The following NDUFB2 variants were observed in gnomAD, a reference collection of about 807,000 sequenced individuals.
NDUFB2 encodes NADH dehydrogenase [ubiquinone] 1 beta subcomplex subunit 2, mitochondrial.
NDUFB2 carries 13 observed loss-of-function variants against 13.4 expected under a neutral mutation model. The ratio of observed to expected loss-of-function variants is 0.97; its 90% CI spans 0.63 to 1.54. NDUFB2 has a LOEUF of 1.54. Among genes scored for constraint, NDUFB2 ranks in the 40% most tolerant of loss-of-function variants. The pLI is 0.00. For synonymous variants in NDUFB2, 47 were observed against 50.6 expected (o/e 0.93, Z 0.30); for missense variants, 150 against 139.7 (o/e 1.07, Z -0.37).
chr7:140,702,480 C>A, intron 1 of NDUFB2: 1 of 231,322 alleles, frequency 4.3e-6, no homozygotes, highest in Non-Finnish European at 8.4e-6. Context: ...ACATAATTTG[C>A]CTCAAATAGA....
At chr7:140,698,236 TGAG>T in intron 1 of NDUFB2, 1 of 1,351,854 alleles carries the variant, frequency 7.4e-7, no homozygotes, top group Non-Finnish European at 9.8e-7. Context: ...TGGTCCTGCA[TGAG>T]GAGATGGGGG....
intron 1 of NDUFB2, chr7:140,697,933 C>T (rs1236393611): frequency 1.7e-6 from 2 of 1,204,642 alleles, no homozygotes; most frequent in Non-Finnish European, 1.1e-6. Flanking sequence ...CTCCTGGGCT[C>T]AAGTGATTCT....
In NDUFB2 at chr7:140,696,744, T is replaced by C. The variant is rs1412368891; in HGVS notation, c.-1T>C. 1 of 1,587,818 alleles carries C rather than the reference T, an allele frequency of 6.3e-7. No homozygotes were observed. The highest frequency in any genetic ancestry group is 1.8e-5 in the Admixed American group (1 of 56,314). On this transcript the variant is annotated 5_prime_UTR_variant, in exon 1 of 4. Transcript: ENST00000247866. ...GGACCGCGGGGCGGACGGGAGCGAG[T>C]ATGTCCGCTCTGACTCGGCTGGCGT...
intron 3 of NDUFB2, chr7:140,705,168 G>C (rs1359506180): frequency 1.3e-5 from 4 of 319,622 alleles, no homozygotes; most frequent in Admixed American, 1.0e-4. Context: ...GGCGTGATCT[G>C]GGCTCACTGC....
rs762410392 is a variant in NDUFB2 at position 140,696,836 on chromosome 7, T to G, written c.92T>G (p.Val31Gly). The change falls in exon 1 of 4, where the codon GTC (valine) becomes GGC (glycine). Residue 31 changes from valine to glycine, a missense_variant. Coordinates refer to ENST00000247866, the MANE Select transcript of NDUFB2 (RefSeq NM_004546.3). ...GCACGGACTGCTGGAGATGGTGGAG[T>G]CCGTCAGTGAGTGTGGGGCTGGGGA... ...GCARTAGDGGVRHAGGGVHIE... is the reference protein window; with the variant it reads ...GCARTAGDGGGRHAGGGVHIE... 1 of 1,605,192 alleles carries G rather than the reference T, an allele frequency of 6.2e-7. No individual in the cohort carries two copies. The highest frequency in any genetic ancestry group is 1.7e-4 in the Middle Eastern group (1 of 5,950).
At chr7:140,697,157 A>G in intron 1 of NDUFB2, 1 of 595,046 alleles carries the variant, frequency 1.7e-6, no homozygotes, top group Non-Finnish European at 3.0e-6. Context: ...CGGGCGGTCC[A>G]GGCGGAGGAA....
chr7:140,697,828 T>C (rs1794838325), intron 1 of NDUFB2, among the ~76,000 whole-genome samples: 1 of 152,208 alleles, frequency 6.6e-6, no homozygotes, highest in East Asian at 1.9e-4. Flanking sequence ...GTTACTGTTA[T>C]CTAAAGCGTG....
At position 140,697,003 on chromosome 7, in the gene NDUFB2, G is replaced by A. The variant is rs1794818162; in HGVS notation, c.98+161G>A. ...TCCTGAAGCCGCGACTCGAGGAGAG[G>A]GACCCCGCTGGCCGGAGGGAGAGGG... On this transcript the variant is annotated intron_variant, in intron 1 of 3. Coordinates refer to ENST00000247866, the MANE Select transcript of NDUFB2 (RefSeq NM_004546.3). The A allele has an allele frequency of 6.1e-6, 4 of 659,300 alleles. No homozygotes were observed. In the East Asian group the frequency reaches 1.1e-4, roughly 18 times the overall value. The allele number at this position is 659,300 out of a possible 1,614,324, so 40.8% of individuals were successfully genotyped here.
intron 1 of NDUFB2, among the ~76,000 whole-genome samples, chr7:140,701,258 A>G (rs1243009030): frequency 1.3e-5 from 2 of 152,250 alleles, no homozygotes; most frequent in Non-Finnish European, 2.9e-5. Context: ...GCCATCACAC[A>G]GCATCTCACT....
At chr7:140,705,727 C>T (rs962441261) in intron 3 of NDUFB2, 5 of 152,250 alleles carry the variant, frequency 3.3e-5, no homozygotes, top group African/African-American at 1.2e-4. Flanking sequence ...CACAGGCCTA[C>T]AGTGGTGAAC....
At chr7:140,702,123 T>G in intron 1 of NDUFB2, 1 of 678,770 alleles carries the variant, frequency 1.5e-6, no homozygotes, top group Non-Finnish European at 2.7e-6. Context: ...ATGAAATTGG[T>G]AAACATATTT....
intron 1 of NDUFB2, chr7:140,698,086 C>T (rs757179342): frequency 1.5e-6 from 2 of 1,341,834 alleles, no homozygotes; most frequent in South Asian, 1.2e-5. Flanking sequence ...AACTGAGGCC[C>T]AGGAAATGAA....
Position 140,702,892 on chromosome 7 carries a change from C to A in NDUFB2, c.125C>A (p.Pro42His). The A allele has an allele frequency of 6.2e-7, 1 of 1,613,938 alleles. No homozygotes were observed. The highest frequency in any genetic ancestry group is 8.5e-7 in the Non-Finnish European group (1 of 1,180,006). Residue 42 changes from proline (P) to histidine (H), a missense_variant, in exon 2 of 4, where the codon CCC becomes CAC. Transcript: ENST00000247866. ...GCCGGTGGTGGTGTGCACATTGAGC[C>A]CCGGTATAGACAGTTCCCCCAGCTG... ...RHAGGGVHIEPRYRQFPQLTR... is the reference protein window; with the variant it reads ...RHAGGGVHIEHRYRQFPQLTR...
At chr7:140,704,692 C>G (rs1429756142) in intron 2 of NDUFB2, among the ~76,000 whole-genome samples, 168 bp from the exon 3 acceptor site, 1 of 151,936 alleles carries the variant, frequency 6.6e-6, no homozygotes, top group Non-Finnish European at 1.5e-5. Context: ...AATGAACAAA[C>G]TAAAGAACAG....
intron 3 of NDUFB2, chr7:140,706,104 T>TGTTAC (rs1434499251): frequency 6.6e-6 from 1 of 151,412 alleles, no homozygotes; most frequent in Admixed American, 6.6e-5. Flanking sequence ...TGTTATGTTA[T>TGTTAC]GTTATTTGAG....
intron 1 of NDUFB2, among the ~76,000 whole-genome samples, chr7:140,697,720 T>C (rs1347343533): frequency 6.6e-6 from 1 of 152,210 alleles, no homozygotes; most frequent in African/African-American, 2.4e-5. Flanking sequence ...ATCCCACCTC[T>C]GCCACACTCC....
At chr7:140,698,093 T>C (rs1794841948) in intron 1 of NDUFB2, 2 of 1,345,960 alleles carry the variant, frequency 1.5e-6, no homozygotes, top group African/African-American at 3.0e-5. Context: ...GCCCAGGAAA[T>C]GAAAGGAGTG....
At chr7:140,701,887 G>A (rs1794903397) in intron 1 of NDUFB2, 4 of 520,792 alleles carry the variant, frequency 7.7e-6, no homozygotes, top group Admixed American at 6.5e-5. Flanking sequence ...AGTGAGCCAA[G>A]ATTGTTCCAT....
intron 1 of NDUFB2, among the ~76,000 whole-genome samples, chr7:140,698,879 C>T (rs777415823): frequency 9.2e-5 from 14 of 152,242 alleles, no homozygotes; most frequent in Non-Finnish European, 1.6e-4. Flanking sequence ...TAACTTTGTC[C>T]AGGCGCGGTG....
Sources: allele counts gnomAD v4.1 joint callset (sites outside exome capture counted in the v4.1 genomes callset), GRCh38; gene constraint gnomAD v4.1.1; transcripts MANE v1.5; gene names NCBI Gene and HGNC (gene_info 2026-07-23, HGNC 2026-07-21).